The following PDZRN3 variants were observed in gnomAD, a reference collection of about 807,000 sequenced individuals.
The protein encoded by PDZRN3 is E3 ubiquitin-protein ligase PDZRN3.
A neutral mutation model predicts 85.7 loss-of-function variants in PDZRN3; 38 were observed. The observed-to-expected ratio is 0.44, with a 90% CI of 0.34 to 0.58. The LOEUF (loss-of-function observed/expected upper bound fraction) is 0.58, where lower values mean the gene tolerates loss of function less well. Among genes scored for constraint, PDZRN3 ranks in the 20% least tolerant of loss-of-function variants. PDZRN3 has a pLI of 0.01. For missense variants in PDZRN3, 1,629 were observed against 1,506.4 expected, an observed-to-expected ratio of 1.08 and a Z score of -1.35; for synonymous variants, 759 against 638.0, an observed-to-expected ratio of 1.19 and a Z score of -2.86.
intron 3 of PDZRN3, among the ~76,000 whole-genome samples, chr3:73,454,191 T>C (rs1166274041): frequency 6.6e-6 from 1 of 152,172 alleles, no homozygotes; most frequent in Non-Finnish European, 1.5e-5. Context: ...CTGGCACATA[T>C]GTTTCACAAG....
rs1575770251 is a variant in PDZRN3 at position 73,624,840 on chromosome 3, C to A, written c.-15G>T. On this transcript the variant is annotated 5_prime_UTR_variant, in exon 1 of 10. Transcript: ENST00000263666. ...TCGAAGCCCATGGTGGCGGCCAGGC[C>A]CCGGGGTCGCCGCCGGGCGGCCGGG... The A allele has an allele frequency of 2.3e-6, 3 of 1,280,938 alleles. No individual in the cohort carries two copies. In the East Asian group the frequency reaches 9.3e-5, roughly 40 times the overall value. 79.3% of individuals were successfully genotyped at this position (1,280,938 alleles called of 1,614,324 possible). A position where few individuals can be genotyped will look rare whatever the true frequency, so the allele number is the denominator to read the frequency against.
intron 3 of PDZRN3, among the ~76,000 whole-genome samples, chr3:73,483,629 A>G (rs1341069300): frequency 6.6e-6 from 1 of 152,232 alleles, no homozygotes; most frequent in Non-Finnish European, 1.5e-5. Flanking sequence ...TATGCTACAA[A>G]GTGAGGTAGA....
At chr3:73,474,506 C>T in intron 3 of PDZRN3, 1 of 1,288,690 alleles carries the variant, frequency 7.8e-7, no homozygotes, top group African/African-American at 1.5e-5. Context: ...ATTTACTGAA[C>T]AATAAGATCA....
chr3:73,518,159 T>C (rs1326428772), intron 3 of PDZRN3, among the ~76,000 whole-genome samples: 5 of 152,214 alleles, frequency 3.3e-5, no homozygotes, highest in Admixed American at 6.5e-5. Flanking sequence ...TACAATGCCA[T>C]ATTATTTAGC....
chr3:73,461,597 T>C (rs953741990), intron 3 of PDZRN3, among the ~76,000 whole-genome samples: 1 of 152,242 alleles, frequency 6.6e-6, no homozygotes, highest in African/African-American at 2.4e-5. Context: ...TTGAAGTTCC[T>C]AAGATAATCT....
intron 2 of PDZRN3, among the ~76,000 whole-genome samples, chr3:73,607,923 A>G (rs1223784700): frequency 1.3e-5 from 2 of 152,128 alleles, no homozygotes; most frequent in Non-Finnish European, 2.9e-5. Context: ...AAACAAGGAG[A>G]TGGTCAGGAA....
intron 3 of PDZRN3, among the ~76,000 whole-genome samples, chr3:73,451,822 G>T (rs1167276212): frequency 1.3e-5 from 2 of 151,286 alleles, no homozygotes; most frequent in African/African-American, 4.9e-5. Context: ...TCTGCCTATT[G>T]AATCCCGCAG....
At chr3:73,411,746 A>G (rs1430342164) in intron 3 of PDZRN3, among the ~76,000 whole-genome samples, 1 of 152,232 alleles carries the variant, frequency 6.6e-6, no homozygotes, top group Admixed American at 6.5e-5. Context: ...TCCTGGTTGA[A>G]CAGTCCATGA....
Position 73,383,781 on chromosome 3 carries a change from C to G in PDZRN3, c.2785G>C (p.Gly929Arg), listed in dbSNP as rs769665096. The change falls in exon 10 of 10, where the codon GGG becomes CGG. Residue 929 changes from glycine (G) to arginine (R), a missense_variant. Gly to Arg is a moderately radical substitution (Grantham distance 125). Coordinates refer to ENST00000263666, the MANE Select transcript of PDZRN3 (RefSeq NM_015009.3). ...GGCCTCTTGGTGATGTAGCGCGTCC[C>G]GTCGCTGCGGATCTTCACCTTCCAC... The part of the protein sequence containing the change: ...MEWKVKIRSD[G>R]TRYITKRPVR... 2.5e-6 allele frequency: 4 copies of G among 1,613,298 alleles called. No individual in the cohort carries two copies. The highest frequency in any genetic ancestry group is 3.3e-5 in the Admixed American group (2 of 60,016).
At chr3:73,611,055 G>T (rs761123796) in intron 1 of PDZRN3, among the ~76,000 whole-genome samples, 14 of 152,106 alleles carry the variant, frequency 9.2e-5, no homozygotes, top group Non-Finnish European at 1.6e-4. Flanking sequence ...GTTGAGCTGG[G>T]ATTCAGACCC....
chr3:73,530,044 T>A (rs1305209316), intron 3 of PDZRN3, among the ~76,000 whole-genome samples: 1 of 152,216 alleles, frequency 6.6e-6, no homozygotes. Context: ...TTTTACTTCT[T>A]ACCCATTCAT....
intron 3 of PDZRN3, among the ~76,000 whole-genome samples, chr3:73,580,778 T>C (rs2106866269): frequency 6.6e-6 from 1 of 152,356 alleles, no homozygotes; most frequent in East Asian, 1.9e-4. Flanking sequence ...AAAAAGTGCA[T>C]ATGGACCTTT....
At chr3:73,428,838 G>A (rs1559674752) in intron 3 of PDZRN3, among the ~76,000 whole-genome samples, 1 of 151,866 alleles carries the variant, frequency 6.6e-6, no homozygotes, top group Non-Finnish European at 1.5e-5. Context: ...GCCATATGCT[G>A]GCTCCATATT....
intron 3 of PDZRN3, among the ~76,000 whole-genome samples, chr3:73,500,062 T>G (rs540064391): frequency 6.6e-6 from 1 of 152,252 alleles, no homozygotes; most frequent in African/African-American, 2.4e-5. Flanking sequence ...TTGCTTTTTT[T>G]CCCCCACCTT....
intron 3 of PDZRN3, among the ~76,000 whole-genome samples, chr3:73,521,627 C>T (rs1704368074): frequency 6.6e-6 from 1 of 152,188 alleles, no homozygotes; most frequent in Non-Finnish European, 1.5e-5. Flanking sequence ...AAGTCGATGG[C>T]TGCTGCACAC....
At chr3:73,541,030 A>C (rs891171276) in intron 3 of PDZRN3, among the ~76,000 whole-genome samples, 4 of 152,240 alleles carry the variant, frequency 2.6e-5, no homozygotes, top group African/African-American at 9.6e-5. Context: ...AAACTTCTTA[A>C]GAAGCAAAGG....
chr3:73,532,276 C>T (rs1470148324), intron 3 of PDZRN3, among the ~76,000 whole-genome samples: 1 of 152,174 alleles, frequency 6.6e-6, no homozygotes, highest in African/African-American at 2.4e-5. Flanking sequence ...GCTGGGATTA[C>T]AGGCGTGAGG....
At chr3:73,450,524 T>C (rs925330168) in intron 3 of PDZRN3, among the ~76,000 whole-genome samples, 1 of 152,230 alleles carries the variant, frequency 6.6e-6, no homozygotes, top group Non-Finnish European at 1.5e-5. Flanking sequence ...ATTTTCTTTT[T>C]AGCAGGGAGG....
chr3:73,456,293 T>C (rs767669272), intron 3 of PDZRN3, among the ~76,000 whole-genome samples: 1 of 152,160 alleles, frequency 6.6e-6, no homozygotes, highest in Non-Finnish European at 1.5e-5. Flanking sequence ...GGTGAAACTT[T>C]CCTAGAGTTG....
Sources: gnomAD v4.1 joint callset for allele counts (sites outside exome capture counted in the v4.1 genomes callset) on GRCh38, gnomAD v4.1.1 for gene constraint, MANE v1.5 for transcripts, NCBI Gene and HGNC (gene_info 2026-07-23, HGNC 2026-07-21) for gene names.